Variants in MGAT4C observed in about 807,000 individuals in gnomAD.
MGAT4C encodes the protein MGAT4 family member C.
A neutral mutation model predicts 40.1 loss-of-function variants in MGAT4C; 19 were observed. The ratio of observed to expected loss-of-function variants is 0.47; its 90% confidence interval spans 0.33 to 0.70. The LOEUF is 0.70. Ranked by LOEUF, MGAT4C falls within the 30% of genes least tolerant of loss-of-function variation. The pLI is 0.02. For missense variants in MGAT4C, 491 were observed against 563.2 expected (o/e 0.87, Z 1.30); for synonymous variants, 181 against 187.1 (o/e 0.97, Z 0.27).
At chr12:86,558,265 C>T (rs1381465607) in intron 2 of MGAT4C, among the ~76,000 whole-genome samples, 1 of 151,936 alleles carries the variant, frequency 6.6e-6, no homozygotes, top group African/African-American at 2.4e-5. Flanking sequence ...AGGAGATAGG[C>T]AAAAACATGG....
chr12:86,002,720 T>C (rs1887461699), intron 2 of MGAT4C, among the ~76,000 whole-genome samples: 1 of 149,482 alleles, frequency 6.7e-6, no homozygotes. Flanking sequence ...ATATTACATA[T>C]ATGTATGAGT....
At chr12:86,372,864 T>C (rs529037991) in intron 3 of MGAT4C, among the ~76,000 whole-genome samples, 104 of 151,878 alleles carry the variant, frequency 6.8e-4, no homozygotes, top group Non-Finnish European at 1.0e-3. Context: ...AATTGACACA[T>C]TGTAGATGCT....
chr12:86,554,315 T>C (rs1959507510), intron 2 of MGAT4C, among the ~76,000 whole-genome samples: 1 of 152,212 alleles, frequency 6.6e-6, no homozygotes, highest in East Asian at 1.9e-4. Flanking sequence ...GAAATTTCTC[T>C]GAATGAGGTC....
chr12:86,743,828 T>G (rs2136133432), intron 1 of MGAT4C, among the ~76,000 whole-genome samples: 1 of 151,794 alleles, frequency 6.6e-6, no homozygotes, highest in Non-Finnish European at 1.5e-5. Flanking sequence ...AATTTACTTT[T>G]ATTTTTCACA....
intron 1 of MGAT4C, among the ~76,000 whole-genome samples, chr12:86,111,022 CAGT>C (rs1293502373): frequency 6.6e-6 from 1 of 151,550 alleles, no homozygotes; most frequent in African/African-American, 2.4e-5. Context: ...AAAATATAAG[CAGT>C]AGAACACTTT....
chr12:86,772,224 T>A (rs1951652261), intron 1 of MGAT4C, among the ~76,000 whole-genome samples: 2 of 152,160 alleles, frequency 1.3e-5, no homozygotes, highest in South Asian at 2.1e-4. Context: ...CTGTGAAGGA[T>A]CCTCCTGGAC....
intron 1 of MGAT4C, among the ~76,000 whole-genome samples, chr12:86,077,730 G>A (rs1450122979): frequency 6.6e-6 from 1 of 152,158 alleles, no homozygotes; most frequent in Admixed American, 6.5e-5. Context: ...GGCTGTTGTA[G>A]TTTCCCATTG....
At chr12:86,212,895 AAAAAAAAAAAAAAAAAAAAAAAAAAAG>A (rs1950533740) in intron 1 of MGAT4C, among the ~76,000 whole-genome samples, 3 of 120,580 alleles carry the variant, frequency 2.5e-5, no homozygotes, top group Admixed American at 8.6e-5. Flanking sequence ...CCGTCTCAAA[AAAAAAAAAAAAAAAAAAAAAAAAAAAG>A]AACACTCATT....
intron 4 of MGAT4C, among the ~76,000 whole-genome samples, chr12:86,298,497 T>G (rs568626075): frequency 6.6e-6 from 1 of 152,216 alleles, no homozygotes; most frequent in African/African-American, 2.4e-5. Flanking sequence ...ATTTCTAGAA[T>G]TCTGTCATAA....
chr12:85,994,569 T>A (rs913812612), intron 2 of MGAT4C, among the ~76,000 whole-genome samples: 2 of 151,580 alleles, frequency 1.3e-5, no homozygotes, highest in Non-Finnish European at 2.9e-5. Context: ...ACCTCAAACA[T>A]AGAATTATTT....
At chr12:86,114,795 G>A (rs1592978533) in intron 1 of MGAT4C, among the ~76,000 whole-genome samples, 1 of 151,570 alleles carries the variant, frequency 6.6e-6, no homozygotes, top group Non-Finnish European at 1.5e-5. Context: ...ACCGCCCCCC[G>A]GCCTTCATCT....
At chr12:86,089,241 T>C (rs1051749431) in intron 1 of MGAT4C, among the ~76,000 whole-genome samples, 1 of 152,008 alleles carries the variant, frequency 6.6e-6, no homozygotes, top group Non-Finnish European at 1.5e-5. Flanking sequence ...CTTTTGTTTA[T>C]AACTTGTTTA....
intron 3 of MGAT4C, among the ~76,000 whole-genome samples, chr12:86,342,908 A>G (rs1954934293): frequency 6.6e-6 from 1 of 152,192 alleles, no homozygotes; most frequent in South Asian, 2.1e-4. Context: ...GATCGCTGCA[A>G]ACAGAATGTA....
chr12:86,260,853 C>T (rs375249676), upstream of MGAT4C, among the ~76,000 whole-genome samples: 2 of 151,704 alleles, frequency 1.3e-5, no homozygotes, highest in Non-Finnish European at 2.9e-5. Flanking sequence ...GGTAATTGCT[C>T]AAGGGACAAA....
At chr12:86,769,658 A>T (rs1476361774) in intron 1 of MGAT4C, among the ~76,000 whole-genome samples, 1 of 152,116 alleles carries the variant, frequency 6.6e-6, no homozygotes, top group African/African-American at 2.4e-5. Context: ...AATGTGGCAC[A>T]TATACACCAT....
At chr12:86,748,842 T>C (rs1419184638) in intron 1 of MGAT4C, among the ~76,000 whole-genome samples, 1 of 151,546 alleles carries the variant, frequency 6.6e-6, no homozygotes, top group East Asian at 1.9e-4. Flanking sequence ...TAGTAGGTAA[T>C]TCAGCCAAAG....
At chr12:86,405,367 A>T (rs781601330) in intron 3 of MGAT4C, among the ~76,000 whole-genome samples, 14 of 151,832 alleles carry the variant, frequency 9.2e-5, no homozygotes, top group Non-Finnish European at 1.8e-4. Flanking sequence ...CACCAAAACT[A>T]AAAATAAAAT....
Position 86,448,488 on chromosome 12 carries a change from A to T in MGAT4C, c.-228-13223T>A, listed in dbSNP as rs376448551. On this transcript the variant is annotated intron_variant, in intron 2 of 7. Coordinates refer to the MGAT4C transcript ENST00000548651. Reference sequence around the variant, plus strand: ...AATATGCTTCATTGCATTGTTTTGAAATGAAAAATTATATCATTTACTCTT... The same window carrying T: ...AATATGCTTCATTGCATTGTTTTGATATGAAAAATTATATCATTTACTCTT... Among the ~76,000 whole-genome samples, 6 of 152,190 alleles carry T rather than the reference A, an allele frequency of 3.9e-5. No homozygotes were observed. In the South Asian group the frequency reaches 1.2e-3, roughly 31 times the overall value.
chr12:86,133,979 A>G (rs912775829), intron 1 of MGAT4C, among the ~76,000 whole-genome samples: 2 of 152,056 alleles, frequency 1.3e-5, no homozygotes, highest in African/African-American at 4.8e-5. Flanking sequence ...CGTCACTATA[A>G]CAATAACTAA....
Sources: gnomAD v4.1 joint callset for allele counts (sites outside exome capture counted in the v4.1 genomes callset) on GRCh38, gnomAD v4.1.1 for gene constraint, MANE v1.5 for transcripts, NCBI Gene and HGNC (gene_info 2026-07-23, HGNC 2026-07-21) for gene names.